Variants in PKHD1L1 observed in about 807,000 individuals in gnomAD.
PKHD1L1 encodes the protein PKHD1 like 1, also known as fibrocystin-L.
In PKHD1L1, 434 loss-of-function variants were observed where a neutral mutation model predicts 462.9. That is an observed-to-expected ratio of 0.94 (90% CI 0.87 to 1.02). The LOEUF is 1.02. Ranked by LOEUF, PKHD1L1 falls within the 50% of genes least tolerant of loss-of-function variation. The probability of loss-of-function intolerance (pLI) is 0.00; values close to 1 mark genes in which losing one functional copy is unlikely to be tolerated. For synonymous variants in PKHD1L1, 1,781 were observed against 1,750.0 expected, an observed-to-expected ratio of 1.02 and a Z score of -0.44; for missense variants, 5,202 against 5,096.1, an observed-to-expected ratio of 1.02 and a Z score of -0.63.
Position 109,523,340 on chromosome 8 carries a change from T to C in PKHD1L1, c.12438T>C (p.Phe4146=), listed in dbSNP as rs1480208051. The change falls in exon 76 of 78, where the codon TTT becomes TTC. Residue 4146 remains phenylalanine, a synonymous_variant. Transcript: ENST00000378402. ...NGLSGNTTIP[F]SSCWANYTDL... ...TTAGTGGAAATACAACAATTCCGTT[T>C]AGCAGCTGTTGGGCCAACTACACAG... is the stretch of plus-strand genomic sequence containing the variant. 6.2e-7 allele frequency: 1 copy of C among 1,613,292 alleles called. No homozygotes were observed. Among genetic ancestry groups the C allele is most frequent in the African/African-American group, 1.3e-5 (1 of 74,864 alleles).
chr8:109,474,738 A>G (rs948375061), intron 50 of PKHD1L1, among the ~76,000 whole-genome samples: 6 of 152,128 alleles, frequency 3.9e-5, no homozygotes, highest in African/African-American at 1.4e-4. Flanking sequence ...GTTTAGATCA[A>G]TGACCTTTAA....
chr8:109,394,620 A>T, intron 10 of PKHD1L1, 135 bp downstream of exon 10: 1 of 481,666 alleles, frequency 2.1e-6, no homozygotes, highest in Non-Finnish European at 3.4e-6. Context: ...AAAATCCCTA[A>T]GATGGGGAGT....
At chr8:109,443,620 C>A (rs944181327) in intron 36 of PKHD1L1, 56 bp from the exon 37 acceptor site, 107 of 1,321,328 alleles carry the variant, frequency 8.1e-5, no homozygotes, top group Non-Finnish European at 1.1e-4. Flanking sequence ...AGTTTGAAAA[C>A]AGTTATCATT....
At chr8:109,391,486 C>G (rs1812709529) in intron 9 of PKHD1L1, among the ~76,000 whole-genome samples, 1 of 152,118 alleles carries the variant, frequency 6.6e-6, no homozygotes, top group Non-Finnish European at 1.5e-5. Context: ...CCCTGGCTGT[C>G]ATAGTAACTG....
At chr8:109,477,445 T>C in intron 53 of PKHD1L1, 49 bp downstream of exon 53, 1 of 1,475,414 alleles carries the variant, frequency 6.8e-7, no homozygotes, top group Middle Eastern at 1.7e-4. Context: ...CTTAACATAA[T>C]CCTTTTCACA....
At chr8:109,474,084 G>A (rs745482866) in intron 50 of PKHD1L1, among the ~76,000 whole-genome samples, 16 of 152,106 alleles carry the variant, frequency 1.1e-4, no homozygotes, top group Non-Finnish European at 2.4e-4. Context: ...GGATTTTCTG[G>A]TAGTGAAAGT....
intron 2 of PKHD1L1, among the ~76,000 whole-genome samples, chr8:109,374,866 A>G (rs1039763539): frequency 6.6e-6 from 1 of 152,186 alleles, no homozygotes; most frequent in Non-Finnish European, 1.5e-5. Flanking sequence ...CTGCCGAGAG[A>G]TCAGCTGTTA....
At chr8:109,454,920 C>T in intron 45 of PKHD1L1, 68 bp downstream of exon 45, 2 of 1,480,148 alleles carry the variant, frequency 1.4e-6, no homozygotes, top group Non-Finnish European at 1.8e-6. Flanking sequence ...GATAATTATC[C>T]TGTGATAATT....
chr8:109,474,881 C>A (rs1481162945), intron 50 of PKHD1L1, among the ~76,000 whole-genome samples: 1 of 152,090 alleles, frequency 6.6e-6, no homozygotes, highest in Admixed American at 6.6e-5. Context: ...ATTTTACTTT[C>A]CAGTTAAATA....
At chr8:109,383,373 A>G (rs1159945433) in intron 4 of PKHD1L1, among the ~76,000 whole-genome samples, 1 of 114,708 alleles carries the variant, frequency 8.7e-6, no homozygotes, top group East Asian at 2.2e-4. Context: ...AATATATTAT[A>G]TAGTATGTAT....
Position 109,373,155 on chromosome 8 carries a change from G to T in PKHD1L1, c.164-8215G>T, listed in dbSNP as rs569527266. Among the ~76,000 whole-genome samples the T allele has an allele frequency of 6.4e-3, 967 of 152,242 alleles. 7 individuals carry two copies. The highest frequency in any genetic ancestry group is 0.054 in the Middle Eastern group (16 of 294). On this transcript the variant is annotated intron_variant, in intron 2 of 77. Coordinates refer to ENST00000378402, the MANE Select transcript of PKHD1L1 (RefSeq NM_177531.6). ...GTCCTGGACTTTTTTTGGTTGGTAAGCTATTAATTATTGCCTCAATTTCAG... is the reference window on the plus strand; with the variant it reads ...GTCCTGGACTTTTTTTGGTTGGTAATCTATTAATTATTGCCTCAATTTCAG...
intron 58 of PKHD1L1, among the ~76,000 whole-genome samples, chr8:109,486,444 T>C (rs894972763): frequency 2.0e-5 from 3 of 152,140 alleles, no homozygotes; most frequent in South Asian, 4.1e-4. Flanking sequence ...ATAGAGGAAA[T>C]ATTTTTGATT....
At chr8:109,406,784 A>G (rs1206994732) in intron 17 of PKHD1L1, among the ~76,000 whole-genome samples, 1 of 152,142 alleles carries the variant, frequency 6.6e-6, no homozygotes, top group Non-Finnish European at 1.5e-5. Flanking sequence ...ACTATTGTCC[A>G]GGAGACACTC....
intron 2 of PKHD1L1, among the ~76,000 whole-genome samples, chr8:109,379,006 A>G (rs938250322): frequency 4.6e-5 from 7 of 152,176 alleles, no homozygotes; most frequent in Non-Finnish European, 5.9e-5. Flanking sequence ...TGGCCACCGC[A>G]GTGCTAGCGC....
intron 10 of PKHD1L1, 122 bp from the exon 11 acceptor site, chr8:109,395,905 A>C: frequency 1.6e-6 from 1 of 618,134 alleles, no homozygotes; most frequent in South Asian, 2.0e-5. Flanking sequence ...TAATTCATGC[A>C]GTTGGTAATC....
At chr8:109,446,209 G>T (rs1040485502) in intron 38 of PKHD1L1, among the ~76,000 whole-genome samples, 1 of 151,952 alleles carries the variant, frequency 6.6e-6, no homozygotes, top group Non-Finnish European at 1.5e-5. Context: ...TTAGTCCTTT[G>T]TCATTATGCT....
intron 47 of PKHD1L1, 111 bp from the exon 48 acceptor site, chr8:109,461,661 A>T: frequency 1.8e-6 from 2 of 1,134,864 alleles, no homozygotes; most frequent in East Asian, 2.6e-5. Context: ...ATGTTCTAGG[A>T]TGAGGTTGAG....
chr8:109,390,518 C>T, intron 9 of PKHD1L1, 24 bp downstream of exon 9: 1 of 1,290,858 alleles, frequency 7.7e-7, no homozygotes, highest in Non-Finnish European at 1.1e-6. Context: ...TAAATAATAA[C>T]TTTTATAATT....
intron 10 of PKHD1L1, 133 bp downstream of exon 10, chr8:109,394,618 T>C (rs73309426): frequency 0.013 from 6,507 of 491,770 alleles, 380 homozygotes; most frequent in African/African-American, 0.12. Context: ...GAAAAATCCC[T>C]AAGATGGGGA....
Sources: allele counts gnomAD v4.1 joint callset (sites outside exome capture counted in the v4.1 genomes callset), GRCh38; gene constraint gnomAD v4.1.1; transcripts MANE v1.5; gene names NCBI Gene and HGNC (gene_info 2026-07-23, HGNC 2026-07-21).